The following STAG1 variants were observed in gnomAD, a reference collection of about 807,000 sequenced individuals.
STAG1 encodes the protein STAG1 cohesin complex component, also known as cohesin subunit SA-1.
A neutral mutation model predicts 170.9 loss-of-function variants in STAG1; 26 were observed. That is an observed-to-expected ratio of 0.15 (90% CI 0.11 to 0.21). The LOEUF is 0.21. STAG1 is among the 10% of genes least tolerant of loss of function. STAG1 has a pLI of 1.00. For missense variants in STAG1, 964 were observed against 1,509.5 expected, an observed-to-expected ratio of 0.64 and a Z score of 5.99; for synonymous variants, 514 against 497.7, an observed-to-expected ratio of 1.03 and a Z score of -0.44.
chr3:136,474,107 A>T (rs766837875), intron 10 of STAG1, among the ~76,000 whole-genome samples: 2 of 152,206 alleles, frequency 1.3e-5, no homozygotes, highest in Non-Finnish European at 2.9e-5. Flanking sequence ...GAAATAGCAC[A>T]ATGTTTAAAA....
chr3:136,338,682 A>G (rs1336095682), intron 32 of STAG1, among the ~76,000 whole-genome samples: 2 of 152,250 alleles, frequency 1.3e-5, no homozygotes, highest in Non-Finnish European at 2.9e-5. Context: ...TCAAACTATC[A>G]TGAATAAACA....
chr3:136,425,836 G>A (rs985791503), intron 16 of STAG1, among the ~76,000 whole-genome samples: 4 of 151,362 alleles, frequency 2.6e-5, no homozygotes, highest in African/African-American at 9.7e-5. Flanking sequence ...AAATTAGTAT[G>A]AAGGGGCTTA....
chr3:136,505,082 CAT>C (rs776283599), intron 7 of STAG1, among the ~76,000 whole-genome samples: 23 of 152,190 alleles, frequency 1.5e-4, no homozygotes, highest in Non-Finnish European at 2.4e-4. Flanking sequence ...AAATGACAGA[CAT>C]AAAATGAGGA....
intron 1 of STAG1, among the ~76,000 whole-genome samples, chr3:136,689,328 T>C (rs911895231): frequency 3.3e-5 from 5 of 152,312 alleles, no homozygotes; most frequent in East Asian, 3.9e-4. Context: ...TGTGTACATA[T>C]AGCTTTTCCT....
At chr3:136,586,257 TACAC>T (rs375352308) in intron 4 of STAG1, among the ~76,000 whole-genome samples, 18 of 150,494 alleles carry the variant, frequency 1.2e-4, no homozygotes, top group South Asian at 2.1e-4. Context: ...CATATACATA[TACAC>T]ACACACACAC....
chr3:136,705,437 C>T (rs59752479), intron 1 of STAG1, among the ~76,000 whole-genome samples: 1,683 of 148,716 alleles, frequency 0.011, 23 homozygotes, highest in African/African-American at 0.04. Context: ...CGAAGTTCAA[C>T]GTATGATATT....
At position 136,521,562 on chromosome 3, in the gene STAG1, C is replaced by T. The variant is rs1311176247; in HGVS notation, c.472-145G>A. The stretch of plus-strand genomic sequence containing the variant: ...GTGACTTTCATAGCACATTTGATTG[C>T]TTTATTTCTCTTTGATTTTGATCTG... On this transcript the variant is annotated intron_variant, in intron 6 of 33. Transcript: ENST00000383202. 50 of 612,066 alleles carry T rather than the reference C, an allele frequency of 8.2e-5. No homozygotes were observed. In the Admixed American group the frequency reaches 1.1e-3, roughly 13 times the overall value. The allele number at this position is 612,066 out of a possible 1,614,324, so 37.9% of individuals were successfully genotyped here.
At chr3:136,491,463 G>A (rs576091602) in intron 9 of STAG1, among the ~76,000 whole-genome samples, 1 of 152,118 alleles carries the variant, frequency 6.6e-6, no homozygotes, top group Admixed American at 6.5e-5. Flanking sequence ...AGTATATCCT[G>A]TTCATTAAAT....
chr3:136,687,303 G>A (rs1942561210), intron 1 of STAG1, among the ~76,000 whole-genome samples: 1 of 152,010 alleles, frequency 6.6e-6, no homozygotes, highest in Admixed American at 6.6e-5. Flanking sequence ...ACTTATTTAA[G>A]GTTCTATTAT....
intron 5 of STAG1, among the ~76,000 whole-genome samples, chr3:136,563,731 C>T (rs1259527930): frequency 6.6e-6 from 1 of 151,470 alleles, no homozygotes; most frequent in Non-Finnish European, 1.5e-5. Flanking sequence ...AAAACATATC[C>T]AGAGAAAGGC....
chr3:136,539,436 T>C (rs1935789756), intron 6 of STAG1, among the ~76,000 whole-genome samples: 2 of 152,168 alleles, frequency 1.3e-5, no homozygotes, highest in African/African-American at 2.4e-5. Flanking sequence ...AATTTATCAA[T>C]GTAATGCAAA....
chr3:136,665,598 T>C (rs1941733792), intron 1 of STAG1, among the ~76,000 whole-genome samples: 2 of 150,292 alleles, frequency 1.3e-5, no homozygotes, highest in Non-Finnish European at 3.0e-5. Flanking sequence ...GCTAACACAG[T>C]GAAACCCCAT....
intron 22 of STAG1, among the ~76,000 whole-genome samples, chr3:136,388,409 C>T (rs1419176545): frequency 6.6e-6 from 1 of 152,158 alleles, no homozygotes; most frequent in Non-Finnish European, 1.5e-5. Context: ...CGCTCTGTTG[C>T]CCAGGCTGGA....
In STAG1 at chr3:136,695,455, G is replaced by C. The variant is rs552700013; in HGVS notation, c.-84+56740C>G. On this transcript the variant is annotated intron_variant, in intron 1 of 33. Coordinates refer to ENST00000383202, the MANE Select transcript of STAG1 (RefSeq NM_005862.3). ...CTGTCTCAAAAAAAAAAAAAAGAGA[G>C]AGACAGACCGTAATGTTTAAGCACA... is the stretch of plus-strand genomic sequence containing the variant. Among the ~76,000 whole-genome samples the C allele has an allele frequency of 4.6e-5, 7 of 151,640 alleles. No homozygotes were observed. In the East Asian group the frequency reaches 1.2e-3, roughly 25 times the overall value.
At chr3:136,494,106 CTA>C (rs1216251758) in intron 9 of STAG1, among the ~76,000 whole-genome samples, 2 of 151,830 alleles carry the variant, frequency 1.3e-5, no homozygotes, top group Non-Finnish European at 2.9e-5. Flanking sequence ...GCCCTAGTTT[CTA>C]GAAAAAATAA....
chr3:136,523,866 G>A (rs1312285135), intron 6 of STAG1, among the ~76,000 whole-genome samples: 1 of 152,026 alleles, frequency 6.6e-6, no homozygotes. Flanking sequence ...TTTCCCCATT[G>A]CTTGTTTTTC....
At chr3:136,552,666 T>C (rs1936456156) in intron 5 of STAG1, among the ~76,000 whole-genome samples, 1 of 152,196 alleles carries the variant, frequency 6.6e-6, no homozygotes, top group Non-Finnish European at 1.5e-5. Context: ...ATCTTCAGGT[T>C]AAGGCTAAAC....
intron 4 of STAG1, among the ~76,000 whole-genome samples, chr3:136,594,708 T>C (rs1405251044): frequency 6.6e-6 from 1 of 152,194 alleles, no homozygotes; most frequent in African/African-American, 2.4e-5. Flanking sequence ...GTGAGTTTAA[T>C]TAATATTGTA....
At chr3:136,367,507 G>T (rs1455037110) in intron 24 of STAG1, among the ~76,000 whole-genome samples, 3 of 152,020 alleles carry the variant, frequency 2.0e-5, no homozygotes, top group Non-Finnish European at 4.4e-5. Context: ...GCTGTATAAA[G>T]ATTGGTTTTC....
Sources: gnomAD v4.1 joint callset for allele counts (sites outside exome capture counted in the v4.1 genomes callset) on GRCh38, gnomAD v4.1.1 for gene constraint, MANE v1.5 for transcripts, NCBI Gene and HGNC (gene_info 2026-07-23, HGNC 2026-07-21) for gene names.